Variants in EPHA6 observed in about 807,000 individuals in gnomAD.
EPHA6 encodes EPH receptor A6.
EPHA6 carries 50 observed loss-of-function variants against 112.0 expected under a neutral mutation model. The ratio of observed to expected loss-of-function variants is 0.45; its 90% CI spans 0.36 to 0.56. The LOEUF (loss-of-function observed/expected upper bound fraction) is 0.56. Among genes scored for constraint, EPHA6 ranks in the 20% least tolerant of loss-of-function variants. The pLI is 0.00. For missense variants in EPHA6, 1,280 were observed against 1,417.4 expected, an observed-to-expected ratio of 0.90 and a Z score of 1.56; for synonymous variants, 529 against 490.7, an observed-to-expected ratio of 1.08 and a Z score of -1.03.
rs76410115 is a variant in EPHA6, at chr3:97,587,867, G to A, written c.2387-4745G>A. Among the ~76,000 whole-genome samples, 568 of 152,194 alleles carry A rather than the reference G, an allele frequency of 3.7e-3. 4 individuals are homozygous for A. Among genetic ancestry groups the A allele is most frequent in the African/African-American group, 0.013 (548 of 41,550 alleles). On this transcript the variant is annotated intron_variant, in intron 11 of 17. Coordinates refer to ENST00000389672, the MANE Select transcript of EPHA6 (RefSeq NM_001080448.3). ...CTTCTAGGATCACTGTGTTGGGCCA[G>A]GTAAAATTAAAGCTTTGCCCTGATT...
At chr3:96,869,874 T>A (rs1251755583) in intron 2 of EPHA6, among the ~76,000 whole-genome samples, 1 of 152,172 alleles carries the variant, frequency 6.6e-6, no homozygotes, top group East Asian at 1.9e-4. Flanking sequence ...TTAATGGCAA[T>A]TGGAGATTAG....
chr3:97,576,861 G>A (rs1182540620), intron 11 of EPHA6, among the ~76,000 whole-genome samples: 1 of 152,102 alleles, frequency 6.6e-6, no homozygotes, highest in Non-Finnish European at 1.5e-5. Flanking sequence ...AGTGTGAAAG[G>A]TACAATGAAC....
chr3:97,092,463 A>C (rs1367213297), intron 3 of EPHA6, among the ~76,000 whole-genome samples: 1 of 152,080 alleles, frequency 6.6e-6, no homozygotes, highest in Non-Finnish European at 1.5e-5. Context: ...GCCTGAGCGA[A>C]AATAAGGTAT....
chr3:97,219,610 G>A (rs1007919513), intron 3 of EPHA6, among the ~76,000 whole-genome samples: 2 of 152,150 alleles, frequency 1.3e-5, no homozygotes, highest in Non-Finnish European at 2.9e-5. Flanking sequence ...GCTGCACAGA[G>A]CAGCTGGGCC....
intron 12 of EPHA6, among the ~76,000 whole-genome samples, chr3:97,596,355 G>A (rs937688855): frequency 6.6e-6 from 1 of 152,120 alleles, no homozygotes; most frequent in African/African-American, 2.4e-5. Flanking sequence ...TCTTAGACTA[G>A]TGGATCACAT....
chr3:97,527,844 C>A (rs1228928923), intron 10 of EPHA6, among the ~76,000 whole-genome samples: 1 of 152,060 alleles, frequency 6.6e-6, no homozygotes, highest in Non-Finnish European at 1.5e-5. Context: ...AAGAACTTGA[C>A]CTGATCTATT....
chr3:97,184,068 T>C (rs185447006), intron 3 of EPHA6, among the ~76,000 whole-genome samples: 2 of 152,296 alleles, frequency 1.3e-5, no homozygotes, highest in Admixed American at 1.3e-4. Context: ...AATGTTTGTA[T>C]AACATTAATT....
At chr3:96,817,041 C>T (rs947104708) in intron 1 of EPHA6, among the ~76,000 whole-genome samples, 2 of 151,938 alleles carry the variant, frequency 1.3e-5, no homozygotes, top group Non-Finnish European at 2.9e-5. Context: ...AGATTGTCTA[C>T]TTAAACTCTT....
intron 14 of EPHA6, among the ~76,000 whole-genome samples, chr3:97,667,554 T>C (rs1233748655): frequency 6.6e-6 from 1 of 152,220 alleles, no homozygotes; most frequent in Non-Finnish European, 1.5e-5. Context: ...TAAAAAGACA[T>C]AGACACATTT....
intron 3 of EPHA6, among the ~76,000 whole-genome samples, chr3:96,996,821 T>G (rs2043441895): frequency 6.6e-6 from 1 of 152,086 alleles, no homozygotes; most frequent in Non-Finnish European, 1.5e-5. Flanking sequence ...GACTTCCACT[T>G]AAACTCACAA....
At chr3:97,003,362 C>A (rs1559660469) in intron 3 of EPHA6, among the ~76,000 whole-genome samples, 2 of 152,142 alleles carry the variant, frequency 1.3e-5, no homozygotes, top group Non-Finnish European at 2.9e-5. Flanking sequence ...CCCACCTTGG[C>A]CTCCCAAAGT....
chr3:97,720,537 C>A, intron 15 of EPHA6, 127 bp downstream of exon 15: 2 of 769,724 alleles, frequency 2.6e-6, no homozygotes, highest in Non-Finnish European at 3.8e-6. Flanking sequence ...TGGTCTATGG[C>A]TGAGTTTGAG....
chr3:97,458,176 C>A (rs1292365051), intron 7 of EPHA6, among the ~76,000 whole-genome samples: 1 of 143,960 alleles, frequency 6.9e-6, no homozygotes, highest in East Asian at 2.2e-4. Flanking sequence ...AACAAGAATT[C>A]TTGGCAAAAT....
At chr3:97,008,085 C>T (rs1014830248) in intron 3 of EPHA6, among the ~76,000 whole-genome samples, 1 of 152,020 alleles carries the variant, frequency 6.6e-6, no homozygotes, top group Admixed American at 6.6e-5. Flanking sequence ...ATGTGTCTTG[C>T]AGATTATGTT....
intron 3 of EPHA6, among the ~76,000 whole-genome samples, chr3:96,998,965 AGTT>A (rs1287367195): frequency 6.6e-6 from 1 of 151,826 alleles, no homozygotes; most frequent in African/African-American, 2.4e-5. Context: ...CACTAGTTTT[AGTT>A]GTTAACTTTT....
intron 2 of EPHA6, among the ~76,000 whole-genome samples, chr3:96,933,083 G>T (rs991767330): frequency 6.6e-6 from 1 of 152,052 alleles, no homozygotes; most frequent in Non-Finnish European, 1.5e-5. Context: ...CAGCCCCTTG[G>T]TGGTAGACTA....
chr3:97,445,292 C>G (rs761111730), intron 6 of EPHA6, among the ~76,000 whole-genome samples: 1 of 152,102 alleles, frequency 6.6e-6, no homozygotes, highest in Non-Finnish European at 1.5e-5. Context: ...CCAGTGCTCT[C>G]AGCCAATGAG....
chr3:96,896,470 T>C (rs2038276304), intron 2 of EPHA6, among the ~76,000 whole-genome samples: 1 of 152,200 alleles, frequency 6.6e-6, no homozygotes, highest in African/African-American at 2.4e-5. Context: ...AAAGTCTGGA[T>C]TCAAGCAGTA....
chr3:97,748,898 C>A lies in EPHA6; in HGVS notation c.*197C>A. 1.8e-6 allele frequency: 1 copy of A among 546,614 alleles called. No homozygotes were observed. The highest frequency in any genetic ancestry group is 3.3e-6 in the Non-Finnish European group (1 of 302,788). 33.9% of individuals were successfully genotyped at this position (546,614 alleles called of 1,614,324 possible). A position where few individuals can be genotyped will look rare whatever the true frequency, so the allele number is the denominator to read the frequency against. Reference sequence around the variant, plus strand: ...GCTACATAAATCCGTTCTGAATAACCTGCAACTAAAACCCTGGCCCACTGC... The same window carrying A: ...GCTACATAAATCCGTTCTGAATAACATGCAACTAAAACCCTGGCCCACTGC... On this transcript the variant is annotated 3_prime_UTR_variant, in exon 18 of 18. Coordinates refer to ENST00000389672, the MANE Select transcript of EPHA6 (RefSeq NM_001080448.3).
Sources: allele counts gnomAD v4.1 joint callset (sites outside exome capture counted in the v4.1 genomes callset), GRCh38; gene constraint gnomAD v4.1.1; transcripts MANE v1.5; gene names NCBI Gene and HGNC (gene_info 2026-07-23, HGNC 2026-07-21).